The following PRKAG2 variants were observed in gnomAD, a reference collection of about 807,000 sequenced individuals.
PRKAG2 encodes 5'-AMP-activated protein kinase subunit gamma-2.
PRKAG2 carries 26 observed loss-of-function variants against 69.6 expected under a neutral mutation model. That is an observed-to-expected ratio of 0.37 (90% CI 0.27 to 0.52). The LOEUF (loss-of-function observed/expected upper bound fraction) is 0.52. PRKAG2 is among the 20% of genes least tolerant of loss of function. The pLI is 0.90. For missense variants in PRKAG2, 557 were observed against 740.0 expected, an observed-to-expected ratio of 0.75 and a Z score of 2.87; for synonymous variants, 293 against 285.0, an observed-to-expected ratio of 1.03 and a Z score of -0.28.
At chr7:151,760,699 G>C (rs1046643568) in intron 3 of PRKAG2, among the ~76,000 whole-genome samples, 1 of 152,164 alleles carries the variant, frequency 6.6e-6, no homozygotes. Context: ...ATCCAAAGCA[G>C]CACCCACCCC....
At chr7:151,673,025 A>C (rs1229123559) in intron 4 of PRKAG2, among the ~76,000 whole-genome samples, 2 of 152,188 alleles carry the variant, frequency 1.3e-5, no homozygotes, top group African/African-American at 4.8e-5. Flanking sequence ...TAAGGAGATA[A>C]GAACACCACT....
In PRKAG2 at chr7:151,678,840, T is replaced by A. The variant is rs560785658; in HGVS notation, c.467-3203A>T. Reference sequence around the variant, plus strand: ...TAGGCGTAGTGGCGCGCGCCTGTAGTCCCAGCCACTCCAGAGGCTGAGGCA... The same window carrying A: ...TAGGCGTAGTGGCGCGCGCCTGTAGACCCAGCCACTCCAGAGGCTGAGGCA... On this transcript the variant is annotated intron_variant, in intron 3 of 15. Coordinates refer to ENST00000287878, the MANE Select transcript of PRKAG2 (RefSeq NM_016203.4). 2.4e-3 allele frequency among the ~76,000 whole-genome samples: 369 copies of A among 152,080 alleles called. 1 individual carries two copies. The highest frequency in any genetic ancestry group is 3.4e-3 in the Middle Eastern group (1 of 294).
intron 1 of PRKAG2, among the ~76,000 whole-genome samples, chr7:151,848,512 CTTTTTTTTTT>C (rs1158559692): frequency 2.3e-3 from 144 of 62,250 alleles, no homozygotes; most frequent in African/African-American, 7.5e-3. Flanking sequence ...TACTGCATGT[CTTTTTTTTTT>C]TTTTTTTTTT....
chr7:151,838,240 G>C (rs2079189308), intron 1 of PRKAG2, among the ~76,000 whole-genome samples: 1 of 152,160 alleles, frequency 6.6e-6, no homozygotes, highest in African/African-American at 2.4e-5. Context: ...ACTCAGCTGG[G>C]GTCAGCGGGG....
At chr7:151,610,932 T>C (rs1818680785) in intron 5 of PRKAG2, among the ~76,000 whole-genome samples, 1 of 151,722 alleles carries the variant, frequency 6.6e-6, no homozygotes, top group Non-Finnish European at 1.5e-5. Flanking sequence ...TTGTACTTTT[T>C]TTGGTAGAGA....
chr7:151,754,500 G>A (rs942082682), intron 3 of PRKAG2, among the ~76,000 whole-genome samples: 16 of 134,250 alleles, frequency 1.2e-4, no homozygotes, highest in Admixed American at 5.7e-4. Flanking sequence ...GGGTGCCCGC[G>A]TTGGCTGGGC....
chr7:151,557,596 G>A lies in PRKAG2; in HGVS notation c.1679-364C>T, dbSNP rs372375938. ...TATTAAAAAAAGGTTTAGGCCGGGC[G>A]CGGTGGCTCACATCTGTAATCCCAG... On this transcript the variant is annotated intron_variant, in intron 15 of 15. Transcript: ENST00000287878. 21 of 984,280 alleles carry A rather than the reference G, an allele frequency of 2.1e-5. No homozygotes were observed. In the African/African-American group the frequency reaches 2.3e-4, roughly 11 times the overall value. The allele number at this position is 984,280 out of a possible 1,614,324, so 61.0% of individuals were successfully genotyped here. A position where few individuals can be genotyped will look rare whatever the true frequency, so the allele number is the denominator to read the frequency against.
At chr7:151,805,399 C>G (rs1263783757) in intron 1 of PRKAG2, among the ~76,000 whole-genome samples, 1 of 152,158 alleles carries the variant, frequency 6.6e-6, no homozygotes, top group Non-Finnish European at 1.5e-5. Context: ...CCTGACTTTT[C>G]AAATAGGAGG....
In PRKAG2 at chr7:151,876,600, G is replaced by A. The variant is rs747971735; in HGVS notation, c.21C>T (p.Asp7=). 1.9e-5 allele frequency: 30 copies of A among 1,609,646 alleles called. No homozygotes were observed. The highest frequency in any genetic ancestry group is 1.7e-6 in the Non-Finnish European group (2 of 1,179,960). The change falls in exon 1 of 16, where the codon GAC becomes GAT. Residue 7 remains aspartate (D), a synonymous_variant. Coordinates refer to ENST00000287878, the MANE Select transcript of PRKAG2 (RefSeq NM_016203.4). ...TGGAAACATCTTTTTTCTTCTTGGT[G>A]TCCATAACCGCGCTTCCCATAACTC... is the stretch of plus-strand genomic sequence containing the variant. MGSAVM[D]TKKKKDVSSP...
chr7:151,751,802 C>T (rs189524199), intron 3 of PRKAG2, among the ~76,000 whole-genome samples: 3 of 152,290 alleles, frequency 2.0e-5, no homozygotes, highest in African/African-American at 2.4e-5. Context: ...TGTAAGCCAC[C>T]TCACCTGGCC....
At chr7:151,860,797 G>A (rs753827444) in intron 1 of PRKAG2, among the ~76,000 whole-genome samples, 11 of 152,100 alleles carry the variant, frequency 7.2e-5, no homozygotes, top group Admixed American at 2.0e-4. Flanking sequence ...CACTGTTCTC[G>A]CCCAGGGAAC....
rs1057524591 is a variant in PRKAG2 at position 151,876,529 on chromosome 7, C to A, written c.92G>T (p.Arg31Leu). 1 of 1,607,866 alleles carries A rather than the reference C, an allele frequency of 6.2e-7. No homozygotes were observed. The highest frequency in any genetic ancestry group is 8.5e-7 in the Non-Finnish European group (1 of 1,179,880). Residue 31 changes from arginine to leucine, a missense_variant, in exon 1 of 16, where the codon CGT becomes CTT. Transcript: ENST00000287878. ...CACCGGAATGTGCACGCGCAGCGAA[C>A]GCCTCTTCTGGCTGGCATTTTTCTT... Reference protein sequence around the residue: ...GGKKNASQKRRSLRVHIPDLS... With the variant: ...GGKKNASQKRLSLRVHIPDLS...
intron 3 of PRKAG2, among the ~76,000 whole-genome samples, chr7:151,720,605 G>A (rs77903099): frequency 0.04 from 5,759 of 144,446 alleles, 296 homozygotes; most frequent in African/African-American, 0.11. Flanking sequence ...TCCAGAGCCC[G>A]TCCAGATGAG....
chr7:151,806,034 C>G (rs1336748687), intron 1 of PRKAG2, among the ~76,000 whole-genome samples: 4 of 152,182 alleles, frequency 2.6e-5, no homozygotes, highest in African/African-American at 9.7e-5. Flanking sequence ...ACTAAAAATA[C>G]AAAAATTAGC....
At chr7:151,795,930 A>G (rs2077512897) in intron 1 of PRKAG2, among the ~76,000 whole-genome samples, 1 of 144,970 alleles carries the variant, frequency 6.9e-6, no homozygotes, top group African/African-American at 2.6e-5. Context: ...TATACATTAT[A>G]TAGAGTTAAT....
chr7:151,635,940 T>C (rs1256311239), intron 4 of PRKAG2, among the ~76,000 whole-genome samples: 1 of 150,998 alleles, frequency 6.6e-6, no homozygotes, highest in Non-Finnish European at 1.5e-5. Context: ...CCATCTCAGC[T>C]CACTGCCAGC....
intron 4 of PRKAG2, among the ~76,000 whole-genome samples, chr7:151,650,093 C>A (rs531953329): frequency 6.6e-6 from 1 of 152,026 alleles, no homozygotes; most frequent in East Asian, 1.9e-4. Flanking sequence ...CGGTGGCACG[C>A]GCCTATAGTC....
At chr7:151,786,613 G>C in intron 1 of PRKAG2, 72 bp from the exon 2 acceptor site, 3 of 1,229,124 alleles carry the variant, frequency 2.4e-6, no homozygotes, top group Non-Finnish European at 3.5e-6. Context: ...AACTCTACGT[G>C]GGTGTCACCT....
intron 1 of PRKAG2, among the ~76,000 whole-genome samples, chr7:151,812,286 G>A (rs1226901122): frequency 6.6e-6 from 1 of 152,194 alleles, no homozygotes; most frequent in Non-Finnish European, 1.5e-5. Flanking sequence ...CTGAGTCTGA[G>A]AGGAGGTAAG....
Sources: gnomAD v4.1 joint callset for allele counts (sites outside exome capture counted in the v4.1 genomes callset) on GRCh38, gnomAD v4.1.1 for gene constraint, MANE v1.5 for transcripts, NCBI Gene and HGNC (gene_info 2026-07-23, HGNC 2026-07-21) for gene names.